Variants in ARHGEF7 observed in about 807,000 individuals in gnomAD.
ARHGEF7 encodes the protein PAK-interacting exchange factor beta.
Under a neutral mutation model 109.8 loss-of-function variants are expected in ARHGEF7, and 33 were observed. That is an observed-to-expected ratio of 0.30 (90% CI 0.23 to 0.40). ARHGEF7 has a LOEUF of 0.40. Ranked by LOEUF, ARHGEF7 falls within the 10% of genes least tolerant of loss-of-function variation. The pLI, the probability that ARHGEF7 is intolerant of heterozygous loss-of-function variation, is 1.00. For synonymous variants in ARHGEF7, 458 were observed against 424.6 expected, an observed-to-expected ratio of 1.08 and a Z score of -0.97; for missense variants, 938 against 1,098.5, an observed-to-expected ratio of 0.85 and a Z score of 2.07.
chr13:111,121,668 C>T (rs745482362), intron 1 of ARHGEF7, among the ~76,000 whole-genome samples: 4 of 152,228 alleles, frequency 2.6e-5, no homozygotes, highest in Non-Finnish European at 4.4e-5. Flanking sequence ...CCACGTGCAT[C>T]GCTGGGAGAT....
intron 2 of ARHGEF7, among the ~76,000 whole-genome samples, chr13:111,155,282 C>T (rs868509914): frequency 1.3e-5 from 2 of 152,166 alleles, no homozygotes; most frequent in East Asian, 3.9e-4. Flanking sequence ...GAATATTTTG[C>T]TATAGGTTTC....
At chr13:111,152,732 T>G (rs907317419) in intron 1 of ARHGEF7, among the ~76,000 whole-genome samples, 68 of 152,252 alleles carry the variant, frequency 4.5e-4, no homozygotes, top group South Asian at 1.0e-3. Flanking sequence ...ATGTCAACGC[T>G]TAATGTCTTC....
intron 4 of ARHGEF7, among the ~76,000 whole-genome samples, chr13:111,213,053 G>T (rs186317651): frequency 6.6e-6 from 1 of 152,346 alleles, no homozygotes; most frequent in Admixed American, 6.5e-5. Flanking sequence ...AATTATAGGT[G>T]CTCTTAGAGA....
At chr13:111,294,935 C>CA in intron 19 of ARHGEF7, 7 of 985,470 alleles carry the variant, frequency 7.1e-6, no homozygotes, top group Non-Finnish European at 8.4e-6. Flanking sequence ...ATAAAATTGC[C>CA]AAAACACAGT....
intron 2 of ARHGEF7, among the ~76,000 whole-genome samples, chr13:111,178,840 G>A (rs977800691): frequency 6.6e-6 from 1 of 152,242 alleles, no homozygotes; most frequent in African/African-American, 2.4e-5. Context: ...CGGTCAGAAG[G>A]ATTGTTCATG....
At chr13:111,130,047 A>G (rs1349344199) in intron 1 of ARHGEF7, among the ~76,000 whole-genome samples, 3 of 152,272 alleles carry the variant, frequency 2.0e-5, no homozygotes, top group African/African-American at 7.2e-5. Flanking sequence ...CTCAGCAATA[A>G]GAAGGAATAT....
intron 1 of ARHGEF7, among the ~76,000 whole-genome samples, chr13:111,149,915 A>G (rs2075810928): frequency 6.6e-6 from 1 of 152,240 alleles, no homozygotes. Flanking sequence ...GTCTTACTGT[A>G]ATGGAGCTGC....
chr13:111,208,315 C>T (rs1057044989), intron 3 of ARHGEF7, among the ~76,000 whole-genome samples: 2 of 152,228 alleles, frequency 1.3e-5, no homozygotes, highest in East Asian at 3.8e-4. Flanking sequence ...GTTAGGATTA[C>T]AGGCATGAGC....
At chr13:111,143,833 A>C (rs930066483) in intron 1 of ARHGEF7, 1 of 152,254 alleles carries the variant, frequency 6.6e-6, no homozygotes, top group African/African-American at 2.4e-5. Context: ...GCTGTTTCCC[A>C]GCTCACTCTC....
At chr13:111,247,959 A>G (rs72653542) in intron 8 of ARHGEF7, among the ~76,000 whole-genome samples, 12,190 of 152,124 alleles carry the variant, frequency 0.08, 672 homozygotes, top group Non-Finnish European at 0.12. Context: ...TCTGAGGCCC[A>G]TGTTTGTTTT....
chr13:111,285,838 C>T (rs1023303136), intron 16 of ARHGEF7, among the ~76,000 whole-genome samples: 1 of 152,074 alleles, frequency 6.6e-6, no homozygotes, highest in African/African-American at 2.4e-5. Context: ...TGTCTGTGCA[C>T]ACCAGCGCCA....
intron 2 of ARHGEF7, among the ~76,000 whole-genome samples, chr13:111,187,423 A>G (rs1316096193): frequency 1.3e-5 from 2 of 152,112 alleles, no homozygotes; most frequent in Admixed American, 6.5e-5. Context: ...TAGGAAAGAG[A>G]GCGGAGAAAG....
rs773954229 is a variant in ARHGEF7 at position 111,267,625 on chromosome 13, A to G, written c.1028A>G (p.Tyr343Cys). 6.2e-7 allele frequency: 1 copy of G among 1,613,994 alleles called. No homozygotes were observed. The highest frequency in any genetic ancestry group is 1.3e-5 in the African/African-American group (1 of 74,916). The part of the protein sequence containing the change: ...MPQMKTLYLT[Y>C]CANHPSAVNV... Reference sequence around the variant, plus strand: ...CAGATGAAAACCCTGTACCTCACGTATTGTGCCAATCACCCTTCTGCAGTG... The same window carrying G: ...CAGATGAAAACCCTGTACCTCACGTGTTGTGCCAATCACCCTTCTGCAGTG... The change falls in exon 9 of 22, where the codon TAT (tyrosine) becomes TGT (cysteine). Residue 343 changes from tyrosine (Y) to cysteine (C), a missense_variant. Around this residue, in one of 4 missense-constraint regions of ARHGEF7, gnomAD observed 585 missense variants for 723.6 expected, o/e 0.81. Transcript: ENST00000646102.
intron 4 of ARHGEF7, 140 bp from the exon 5 acceptor site, chr13:111,217,539 G>A (rs529043956): frequency 2.6e-6 from 2 of 775,524 alleles, no homozygotes; most frequent in Non-Finnish European, 4.2e-6. Context: ...GCACTGGAAG[G>A]GAGGAAACTG....
rs1416859955 is a variant in ARHGEF7, at chr13:111,209,938, C to T, written c.404C>T (p.Ser135Phe). 1 of 1,614,060 alleles carries T rather than the reference C, an allele frequency of 6.2e-7. No homozygotes were observed. The highest frequency in any genetic ancestry group is 8.5e-7 in the Non-Finnish European group (1 of 1,180,028). ...PSSHRIKSFD[S>F]LGSQSLHTRT... Reference sequence around the variant, plus strand: ...TCTCACCGCATAAAGTCTTTTGACTCCCTTGGATCACAGTCTTTGCACACT... The same window carrying T: ...TCTCACCGCATAAAGTCTTTTGACTTCCTTGGATCACAGTCTTTGCACACT... Residue 135 changes from serine (S) to phenylalanine (F), a missense_variant, in exon 4 of 22, where the codon TCC (serine) becomes TTC (phenylalanine). Ser to Phe is a radical substitution (Grantham distance 155, BLOSUM62 -2). Around this residue, in one of 4 missense-constraint regions of ARHGEF7, gnomAD observed 585 missense variants for 723.6 expected, o/e 0.81. Coordinates refer to ENST00000646102, the MANE Select transcript of ARHGEF7 (RefSeq NM_001354046.2).
At chr13:111,148,856 T>C (rs2075747657) in intron 1 of ARHGEF7, among the ~76,000 whole-genome samples, 1 of 152,238 alleles carries the variant, frequency 6.6e-6, no homozygotes, top group African/African-American at 2.4e-5. Flanking sequence ...TGATTTAAAA[T>C]ATTTTTAACT....
chr13:111,151,745 A>G (rs563785497), intron 1 of ARHGEF7, among the ~76,000 whole-genome samples: 3 of 152,366 alleles, frequency 2.0e-5, no homozygotes, highest in South Asian at 4.1e-4. Flanking sequence ...TCTTGCGCTT[A>G]GGGACATTAG....
At chr13:111,299,803 G>T (rs1445601615) in intron 19 of ARHGEF7, among the ~76,000 whole-genome samples, 1 of 152,316 alleles carries the variant, frequency 6.6e-6, no homozygotes, top group South Asian at 2.1e-4. Context: ...CGGAAGCACT[G>T]TAGTTTCCAT....
At chr13:111,271,512 G>A (rs548789622) in intron 9 of ARHGEF7, among the ~76,000 whole-genome samples, 13 of 152,338 alleles carry the variant, frequency 8.5e-5, no homozygotes, top group African/African-American at 2.4e-4. Context: ...AGATGGCACT[G>A]TGCTTTATTT....
Sources: allele counts gnomAD v4.1 joint callset (sites outside exome capture counted in the v4.1 genomes callset), GRCh38; gene constraint gnomAD v4.1.1; regional missense constraint gnomAD v4.1.1; transcripts MANE v1.5; gene names NCBI Gene and HGNC (gene_info 2026-07-23, HGNC 2026-07-21).